SCMH1: variants seen among roughly 807,000 people sequenced by gnomAD.
The protein encoded by SCMH1 is Scm polycomb group protein homolog 1.
A neutral mutation model predicts 70.8 loss-of-function variants in SCMH1; 37 were observed. That is an observed-to-expected ratio of 0.52 (90% confidence interval 0.40 to 0.69). The LOEUF (loss-of-function observed/expected upper bound fraction) is 0.69, where lower values mean the gene tolerates loss of function less well. SCMH1 is among the 30% of genes least tolerant of loss of function. The probability of loss-of-function intolerance (pLI) is 0.00; values close to 1 mark genes in which losing one functional copy is unlikely to be tolerated. For synonymous variants in SCMH1, 292 were observed against 307.4 expected (o/e 0.95, Z 0.52); for missense variants, 607 against 827.3 (o/e 0.73, Z 3.27).
At chr1:41,132,074 C>T (rs915994084) in intron 6 of SCMH1, among the ~76,000 whole-genome samples, 2 of 152,094 alleles carry the variant, frequency 1.3e-5, no homozygotes, top group African/African-American at 4.8e-5. Context: ...GTAATGGGAT[C>T]ACTGGGTCAA....
At chr1:41,028,815 A>T in intron 13 of SCMH1, 89 bp from the exon 15 acceptor site, 2 of 1,431,868 alleles carry the variant, frequency 1.4e-6, no homozygotes, top group Non-Finnish European at 1.9e-6. Flanking sequence ...GTGGCCTTCT[A>T]GGTGATGCTC....
At chr1:41,106,823 G>C (rs1419493000) in intron 8 of SCMH1, among the ~76,000 whole-genome samples, 1 of 151,608 alleles carries the variant, frequency 6.6e-6, no homozygotes, top group South Asian at 2.1e-4. Context: ...CCGAGTAGCA[G>C]GGACTGCAGA....
At chr1:41,046,353 G>A (rs1646892736) in intron 12 of SCMH1, 54 bp downstream of exon 12, 1 of 1,512,786 alleles carries the variant, frequency 6.6e-7, no homozygotes, top group Non-Finnish European at 9.1e-7. Flanking sequence ...CCCTGCAGGT[G>A]CTGCTGCTAG....
intron 10 of SCMH1, among the ~76,000 whole-genome samples, chr1:41,054,046 G>A (rs1054867525): frequency 4.6e-5 from 7 of 152,012 alleles, no homozygotes; most frequent in South Asian, 2.1e-4. Context: ...GGGTTTCACC[G>A]TGTTAGCCAG....
At chr1:41,212,016 C>T (rs922521421) in intron 1 of SCMH1, among the ~76,000 whole-genome samples, 3 of 151,892 alleles carry the variant, frequency 2.0e-5, no homozygotes, top group Non-Finnish European at 4.4e-5. Context: ...GGGCCTGTTG[C>T]GGGGTAGGGA....
At chr1:41,052,040 C>G (rs775340899) in intron 10 of SCMH1, among the ~76,000 whole-genome samples, 30 of 152,184 alleles carry the variant, frequency 2.0e-4, no homozygotes, top group African/African-American at 7.0e-4. Context: ...TTTACTGTAT[C>G]CTTTTTATCT....
chr1:41,076,278 T>G lies in SCMH1; in HGVS notation c.746-827A>C, dbSNP rs190715685. Among the ~76,000 whole-genome samples the G allele has an allele frequency of 7.6e-4, 116 of 152,348 alleles. 1 individual carries two copies. The highest frequency in any genetic ancestry group is 5.5e-3 in the Admixed American group (84 of 15,304). ...AGGACTTCTCTGACCATGTCCCAAC[T>G]AGGTCAGTGTCCTCTCTTTACTCCC... is the stretch of plus-strand genomic sequence containing the variant. On this transcript the variant is annotated intron_variant, in intron 8 of 14. Transcript: ENST00000337495.
intron 1 of SCMH1, among the ~76,000 whole-genome samples, chr1:41,193,673 C>T (rs1006410364): frequency 2.6e-5 from 4 of 151,978 alleles, no homozygotes; most frequent in Admixed American, 2.6e-4. Context: ...ACAATGCTAG[C>T]CATTTATTAC....
At chr1:41,097,680 T>C (rs1465833196) in intron 8 of SCMH1, among the ~76,000 whole-genome samples, 2 of 152,182 alleles carry the variant, frequency 1.3e-5, no homozygotes, top group East Asian at 1.9e-4. Context: ...TCAACTTTAA[T>C]ATACATCCTC....
At chr1:41,177,717 C>T (rs1647373477) in intron 2 of SCMH1, among the ~76,000 whole-genome samples, 1 of 152,172 alleles carries the variant, frequency 6.6e-6, no homozygotes, top group Admixed American at 6.5e-5. Flanking sequence ...CGAACACAGC[C>T]TCCAAGAAAT....
chr1:41,155,670 T>C (rs938904078), intron 4 of SCMH1, among the ~76,000 whole-genome samples: 3 of 152,054 alleles, frequency 2.0e-5, no homozygotes, highest in Admixed American at 6.6e-5. Flanking sequence ...AAAAGACATC[T>C]TGATAAGGTG....
intron 6 of SCMH1, among the ~76,000 whole-genome samples, chr1:41,140,948 T>G (rs1364606253): frequency 6.6e-6 from 1 of 152,172 alleles, no homozygotes; most frequent in African/African-American, 2.4e-5. Context: ...ACAACAAATA[T>G]GTATGAAGTT....
intron 8 of SCMH1, among the ~76,000 whole-genome samples, chr1:41,081,543 C>T (rs1660021909): frequency 6.6e-6 from 1 of 152,162 alleles, no homozygotes; most frequent in African/African-American, 2.4e-5. Context: ...ATTTGTTGGG[C>T]ATGGTGTTTC....
intron 2 of SCMH1, among the ~76,000 whole-genome samples, chr1:41,174,024 T>C (rs530850731): frequency 3.9e-5 from 6 of 152,294 alleles, no homozygotes; most frequent in East Asian, 3.9e-4. Flanking sequence ...TATAGCACTA[T>C]AGAGTGACTA....
intron 10 of SCMH1, among the ~76,000 whole-genome samples, chr1:41,061,204 T>C (rs1652516663): frequency 6.6e-6 from 1 of 152,172 alleles, no homozygotes; most frequent in African/African-American, 2.4e-5. Flanking sequence ...TAAACTGTCT[T>C]TGTAAAGCTA....
intron 2 of SCMH1, among the ~76,000 whole-genome samples, chr1:41,169,901 C>T (rs1280619404): frequency 6.6e-6 from 1 of 151,968 alleles, no homozygotes; most frequent in African/African-American, 2.4e-5. Context: ...TGTAGACCCT[C>T]GGTGGAAGCT....
chr1:41,127,507 G>A (rs1396723599), intron 6 of SCMH1, among the ~76,000 whole-genome samples: 1 of 152,048 alleles, frequency 6.6e-6, no homozygotes, highest in East Asian at 1.9e-4. Flanking sequence ...TCTGACATAC[G>A]CTGTGATATA....
At position 41,067,761 on chromosome 1, in the gene SCMH1, C is replaced by G. The variant is rs145332359; in HGVS notation, c.1105+2834G>C. Among the ~76,000 whole-genome samples, 951 of 152,176 alleles carry G rather than the reference C, an allele frequency of 6.2e-3. 15 individuals carry two copies. Among genetic ancestry groups the G allele is most frequent in the African/African-American group, 0.022 (910 of 41,488 alleles). On this transcript the variant is annotated intron_variant, in intron 10 of 14. Coordinates refer to ENST00000337495, the Ensembl canonical transcript of SCMH1. ...TATACATTTGTCAAAACCCACAGAACGTAAAACACCAAGAGTAAACCCAAA... is the reference window on the plus strand; with the variant it reads ...TATACATTTGTCAAAACCCACAGAAGGTAAAACACCAAGAGTAAACCCAAA...
At chr1:41,178,089 T>A (rs1421950911) in intron 2 of SCMH1, among the ~76,000 whole-genome samples, 1 of 152,188 alleles carries the variant, frequency 6.6e-6, no homozygotes, top group Non-Finnish European at 1.5e-5. Flanking sequence ...ATATTCAACA[T>A]TCTTAAAGAA....
Sources: allele counts gnomAD v4.1 joint callset (sites outside exome capture counted in the v4.1 genomes callset), GRCh38; gene constraint gnomAD v4.1.1; transcripts MANE v1.5; gene names NCBI Gene and HGNC (gene_info 2026-07-23, HGNC 2026-07-21).